The following ATP8A1 variants were observed in gnomAD, a reference collection of about 807,000 sequenced individuals.
ATP8A1 encodes the protein ATPase phospholipid transporting 8A1.
In ATP8A1, 90 loss-of-function variants were observed where a neutral mutation model predicts 177.7. The observed-to-expected ratio is 0.51, with a 90% CI of 0.43 to 0.60. ATP8A1 has a LOEUF of 0.60. Ranked by LOEUF, ATP8A1 falls within the 20% of genes least tolerant of loss-of-function variation. ATP8A1 has a pLI of 0.00. For missense variants in ATP8A1, 1,072 were observed against 1,392.8 expected (o/e 0.77, Z 3.67); for synonymous variants, 493 against 485.9 (o/e 1.01, Z -0.19).
chr4:42,593,635 A>G (rs1734417944), intron 6 of ATP8A1, among the ~76,000 whole-genome samples: 1 of 152,040 alleles, frequency 6.6e-6, no homozygotes, highest in South Asian at 2.1e-4. Flanking sequence ...ATTAAAAACA[A>G]TTTTTCTTAA....
Position 42,564,388 on chromosome 4 carries a change from G to A in ATP8A1, c.1340+4773C>T, listed in dbSNP as rs1731151893. Among the ~76,000 whole-genome samples, 3 of 152,174 alleles carry A rather than the reference G, an allele frequency of 2.0e-5. No homozygotes were observed. The South Asian group carries it at 6.2e-4, about 31-fold the overall frequency. On this transcript the variant is annotated intron_variant, in intron 15 of 36. Coordinates refer to ENST00000381668, the MANE Select transcript of ATP8A1 (RefSeq NM_006095.2). The stretch of plus-strand genomic sequence containing the variant: ...AGCCGCAGACACTCAATGACAGCCT[G>A]TGAAAGCAGCCAGGAGGGAGGCTGT...
chr4:42,572,890 T>G (rs1657146911), intron 14 of ATP8A1, among the ~76,000 whole-genome samples: 1 of 152,214 alleles, frequency 6.6e-6, no homozygotes, highest in Non-Finnish European at 1.5e-5. Flanking sequence ...GGCTTCTGAC[T>G]GTATCTCAGG....
intron 27 of ATP8A1, among the ~76,000 whole-genome samples, chr4:42,463,419 T>G (rs1236181793): frequency 6.6e-6 from 1 of 152,208 alleles, no homozygotes; most frequent in Non-Finnish European, 1.5e-5. Context: ...AAGATGCGAC[T>G]CGCTCCTCCT....
At chr4:42,505,575 T>C (rs926096364) in intron 23 of ATP8A1, among the ~76,000 whole-genome samples, 1 of 152,184 alleles carries the variant, frequency 6.6e-6, no homozygotes, top group Non-Finnish European at 1.5e-5. Context: ...CAATCAAAAT[T>C]AACAACTTGT....
chr4:42,636,539 C>T (rs1010848720), intron 1 of ATP8A1, among the ~76,000 whole-genome samples: 2 of 152,118 alleles, frequency 1.3e-5, no homozygotes, highest in African/African-American at 4.8e-5. Context: ...CCCTTAAAAG[C>T]ATGGAAATTA....
Position 42,455,333 on chromosome 4 carries a change from G to GTATA in ATP8A1, c.2777_2780dup (p.Lys928IlefsTer111), listed in dbSNP as rs1454760578. The stretch of plus-strand genomic sequence containing the variant: ...AGTCCAGGGCATTCTGAGATGTTTT[G>GTATA]TATAATTCAGGGTACTTCAACATGT... On this transcript the variant is annotated frameshift_variant, in exon 29 of 37. Transcript: ENST00000381668. LOFTEE classifies it high-confidence loss of function. 1.9e-6 allele frequency: 3 copies of GTATA among 1,613,712 alleles called. No individual in the cohort carries two copies. The highest frequency in any genetic ancestry group is 1.7e-6 in the Non-Finnish European group (2 of 1,179,806).
At chr4:42,424,666 CAT>C (rs982361458) in intron 33 of ATP8A1, among the ~76,000 whole-genome samples, 3 of 152,168 alleles carry the variant, frequency 2.0e-5, no homozygotes, top group Non-Finnish European at 4.4e-5. Flanking sequence ...CCTTATCAAA[CAT>C]AAACATTTCT....
At chr4:42,580,041 A>C (rs375068904) in intron 10 of ATP8A1, 63 bp from the exon 11 acceptor site, 1 of 1,302,220 alleles carries the variant, frequency 7.7e-7, no homozygotes. Flanking sequence ...ATCTATACTT[A>C]GTATTCTGTT....
chr4:42,470,222 C>G (rs1577997173), intron 25 of ATP8A1, among the ~76,000 whole-genome samples: 1 of 152,230 alleles, frequency 6.6e-6, no homozygotes, highest in South Asian at 2.1e-4. Flanking sequence ...TAGACGTGCA[C>G]TGAGTGCAAT....
intron 12 of ATP8A1, among the ~76,000 whole-genome samples, chr4:42,577,279 T>C (rs1732564577): frequency 6.6e-6 from 1 of 152,204 alleles, no homozygotes; most frequent in African/African-American, 2.4e-5. Flanking sequence ...TATTTGTACA[T>C]ATCCTATTAC....
In ATP8A1 at chr4:42,552,508, G is replaced by A. The variant is rs1357937815; in HGVS notation, c.1516C>T (p.Pro506Ser). ...TTTACAATTGCTTCATTTGTACCTG[G>A]AGATGCTGCTTGATAAATAATCTTG... ...GDKIIYQAAS[P>S]DEGALVRAAK... The change falls in exon 17 of 37, where the codon CCA becomes TCA. Residue 506 changes from proline to serine, a missense_variant. Transcript: ENST00000381668. The A allele has an allele frequency of 6.2e-7, 1 of 1,606,260 alleles. No individual in the cohort carries two copies. The highest frequency in any genetic ancestry group is 8.5e-7 in the Non-Finnish European group (1 of 1,174,734).
intron 5 of ATP8A1, among the ~76,000 whole-genome samples, chr4:42,612,107 A>G (rs981242019): frequency 2.2e-5 from 2 of 92,266 alleles, no homozygotes; most frequent in Non-Finnish European, 5.9e-5. Flanking sequence ...CAGAGAAGAT[A>G]AAGTGGCAAG....
At chr4:42,645,785 T>G (rs2612520) in intron 1 of ATP8A1, among the ~76,000 whole-genome samples, 71,001 of 152,066 alleles carry the variant, frequency 0.47, 16,868 homozygotes, top group Middle Eastern at 0.53. Context: ...AAAGTTGACT[T>G]AAGTCCATCT....
intron 18 of ATP8A1, among the ~76,000 whole-genome samples, chr4:42,550,745 G>A (rs1016350892): frequency 6.6e-6 from 1 of 152,158 alleles, no homozygotes; most frequent in African/African-American, 2.4e-5. Flanking sequence ...TCTCACTGTG[G>A]TCTTAATTGT....
At chr4:42,607,897 C>T (rs771808487) in intron 5 of ATP8A1, among the ~76,000 whole-genome samples, 17 of 152,072 alleles carry the variant, frequency 1.1e-4, no homozygotes, top group Non-Finnish European at 1.9e-4. Flanking sequence ...GAATAAGTTA[C>T]GACAGGATTG....
At chr4:42,555,838 C>A (rs567297594) in intron 16 of ATP8A1, 130 bp downstream of exon 16, 23 of 669,438 alleles carry the variant, frequency 3.4e-5, no homozygotes, top group Admixed American at 2.2e-4. Context: ...AACTAACTAA[C>A]TAACTAAATA....
intron 22 of ATP8A1, among the ~76,000 whole-genome samples, chr4:42,518,467 G>A (rs1725789148): frequency 6.6e-6 from 1 of 152,128 alleles, no homozygotes; most frequent in South Asian, 2.1e-4. Context: ...AGCCCTGCCT[G>A]GAGCACCCAC....
At position 42,627,254 on chromosome 4, in the gene ATP8A1, T is replaced by A. The variant is rs1560535645; in HGVS notation, c.50-145A>T. 5.0e-6 allele frequency: 3 copies of A among 605,554 alleles called. No individual in the cohort carries two copies. The East Asian group carries it at 8.6e-5, about 17-fold the overall frequency. The allele number at this position is 605,554 out of a possible 1,614,324, so 37.5% of individuals were successfully genotyped here. A position where few individuals can be genotyped will look rare whatever the true frequency, so the allele number is the denominator to read the frequency against. On this transcript the variant is annotated intron_variant, in intron 1 of 36. Coordinates refer to ENST00000381668, the MANE Select transcript of ATP8A1 (RefSeq NM_006095.2). ...GTTTCTTTTATAATAAAAAGTAACA[T>A]CCCCATATTTAACATTTCTACTAGA...
At chr4:42,425,587 A>AGAGGTAT (rs1714513910) in intron 33 of ATP8A1, among the ~76,000 whole-genome samples, 1 of 152,156 alleles carries the variant, frequency 6.6e-6, no homozygotes, top group African/African-American at 2.4e-5. Context: ...AAAATCCCAC[A>AGAGGTAT]GAGGTATTTC....
Sources: allele counts gnomAD v4.1 joint callset (sites outside exome capture counted in the v4.1 genomes callset), GRCh38; gene constraint gnomAD v4.1.1; transcripts MANE v1.5; gene names NCBI Gene and HGNC (gene_info 2026-07-23, HGNC 2026-07-21).